Variants in RPS6KA5 observed in about 807,000 individuals in gnomAD.
RPS6KA5 encodes ribosomal protein S6 kinase alpha-5.
RPS6KA5 carries 27 observed loss-of-function variants against 85.5 expected under a neutral mutation model. The ratio of observed to expected loss-of-function variants is 0.32; its 90% confidence interval spans 0.23 to 0.44. RPS6KA5 has a LOEUF of 0.44. Ranked by LOEUF, RPS6KA5 falls within the 20% of genes least tolerant of loss-of-function variation. The pLI, the probability that RPS6KA5 is intolerant of heterozygous loss-of-function variation, is 1.00. For synonymous variants in RPS6KA5, 334 were observed against 348.2 expected, an observed-to-expected ratio of 0.96 and a Z score of 0.46; for missense variants, 811 against 980.9, an observed-to-expected ratio of 0.83 and a Z score of 2.31.
chr14:91,060,247 G>A, intron 1 of RPS6KA5, 85 bp downstream of exon 1: 1 of 966,938 alleles, frequency 1.0e-6, no homozygotes, highest in Non-Finnish European at 1.2e-6. Flanking sequence ...CTGCGGCCCC[G>A]CGCCCCCAGC....
At chr14:90,966,895 T>C (rs1234866687) in intron 3 of RPS6KA5, among the ~76,000 whole-genome samples, 2 of 152,216 alleles carry the variant, frequency 1.3e-5, no homozygotes, top group African/African-American at 4.8e-5. Context: ...GTAATAACAG[T>C]AAGAACATCT....
intron 3 of RPS6KA5, among the ~76,000 whole-genome samples, chr14:90,971,958 A>G (rs1201628636): frequency 6.6e-6 from 1 of 152,236 alleles, no homozygotes; most frequent in Admixed American, 6.5e-5. Flanking sequence ...ATATAGAACT[A>G]ATATATAAAA....
chr14:90,970,383 T>C (rs2039263091), intron 3 of RPS6KA5, among the ~76,000 whole-genome samples: 1 of 152,190 alleles, frequency 6.6e-6, no homozygotes, highest in Non-Finnish European at 1.5e-5. Context: ...ATGAAACCAA[T>C]ACTCAAAAGT....
At chr14:90,928,085 G>A (rs1160406719) in intron 5 of RPS6KA5, among the ~76,000 whole-genome samples, 1 of 151,566 alleles carries the variant, frequency 6.6e-6, no homozygotes, top group African/African-American at 2.4e-5. Flanking sequence ...TTGCTACCAC[G>A]CCTGGCTAAT....
At chr14:90,880,384 T>C (rs1174369521) in intron 14 of RPS6KA5, among the ~76,000 whole-genome samples, 2 of 152,234 alleles carry the variant, frequency 1.3e-5, no homozygotes, top group Non-Finnish European at 2.9e-5. Flanking sequence ...ATTTGTCTTT[T>C]TGTAACTGGC....
intron 3 of RPS6KA5, among the ~76,000 whole-genome samples, chr14:90,955,302 C>G (rs1231646932): frequency 1.3e-5 from 2 of 152,148 alleles, no homozygotes; most frequent in Admixed American, 1.3e-4. Context: ...AGGTCTCACT[C>G]TGACACCCAG....
At chr14:90,984,014 T>A (rs2039952589) in intron 2 of RPS6KA5, among the ~76,000 whole-genome samples, 1 of 152,002 alleles carries the variant, frequency 6.6e-6, no homozygotes, top group South Asian at 2.1e-4. Context: ...CCAGCTAATT[T>A]TTGTATTTTT....
intron 11 of RPS6KA5, among the ~76,000 whole-genome samples, 176 bp downstream of exon 11, chr14:90,899,932 T>G (rs569724185): frequency 6.6e-6 from 1 of 152,306 alleles, no homozygotes; most frequent in Non-Finnish European, 1.5e-5. Flanking sequence ...GATTACTTTA[T>G]CAGAAAATAT....
chr14:90,906,128 T>G, intron 8 of RPS6KA5, 21 bp downstream of exon 8: 1 of 1,577,324 alleles, frequency 6.3e-7, no homozygotes, highest in East Asian at 2.3e-5. Flanking sequence ...ATGAAACCAT[T>G]TATCTATTCA....
At chr14:90,872,947 A>G (rs958564860) in intron 16 of RPS6KA5, among the ~76,000 whole-genome samples, 5 of 152,232 alleles carry the variant, frequency 3.3e-5, no homozygotes, top group African/African-American at 1.2e-4. Context: ...ATCATCTGAT[A>G]GAAATTCTTG....
intron 9 of RPS6KA5, 77 bp from the exon 10 acceptor site, chr14:90,900,813 T>A (rs2035124396): frequency 1.2e-5 from 15 of 1,259,368 alleles, no homozygotes; most frequent in Non-Finnish European, 1.6e-5. Flanking sequence ...TTGTAATGAC[T>A]TTTTTTCCTT....
rs78668044 is a variant in RPS6KA5, at chr14:90,886,744, T to C, written c.1836+3743A>G. ...TCTGTTGTTCAAGCTGCCTAATTTG[T>C]GGTATTCTGTTACAGCAGCCTAAGC... On this transcript the variant is annotated intron_variant, in intron 14 of 16. Transcript: ENST00000614987. Among the ~76,000 whole-genome samples the C allele has an allele frequency of 4.0e-3, 611 of 152,340 alleles. 9 individuals carry two copies. The highest frequency in any genetic ancestry group is 0.014 in the African/African-American group (571 of 41,576).
At chr14:91,000,042 C>G (rs1433930813) in intron 2 of RPS6KA5, among the ~76,000 whole-genome samples, 1 of 152,180 alleles carries the variant, frequency 6.6e-6, no homozygotes, top group African/African-American at 2.4e-5. Context: ...AAGGGCTTCT[C>G]CCATCTTGGC....
intron 13 of RPS6KA5, among the ~76,000 whole-genome samples, chr14:90,891,085 T>C (rs2034525275): frequency 6.6e-6 from 1 of 152,046 alleles, no homozygotes; most frequent in African/African-American, 2.4e-5. Flanking sequence ...TTTTCCTTTC[T>C]GGCACTTACC....
intron 1 of RPS6KA5, among the ~76,000 whole-genome samples, chr14:91,057,081 A>G (rs1246732837): frequency 6.6e-6 from 1 of 151,432 alleles, no homozygotes; most frequent in African/African-American, 2.4e-5. Flanking sequence ...GGGTTTCACC[A>G]GGTTGTCCAG....
intron 1 of RPS6KA5, among the ~76,000 whole-genome samples, chr14:91,035,068 C>T (rs192088589): frequency 2.6e-5 from 4 of 152,034 alleles, no homozygotes; most frequent in Admixed American, 2.6e-4. Context: ...AATATCTGAG[C>T]ATGGAAACTG....
chr14:90,958,184 G>A (rs2140410082), intron 3 of RPS6KA5, among the ~76,000 whole-genome samples: 1 of 151,926 alleles, frequency 6.6e-6, no homozygotes, highest in East Asian at 1.9e-4. Flanking sequence ...GAATTAGATG[G>A]GGCTATTTGA....
In RPS6KA5 at chr14:90,947,485, C is replaced by T. The variant is rs2037934135; in HGVS notation, c.460G>A (p.Val154Met). 1.2e-6 allele frequency: 2 copies of T among 1,612,910 alleles called. No individual in the cohort carries two copies. The highest frequency in any genetic ancestry group is 1.7e-6 in the Non-Finnish European group (2 of 1,178,998). The change falls in exon 4 of 17, where the codon GTG becomes ATG. Residue 154 changes from valine to methionine, a missense_variant. By Grantham distance (21) the Val-to-Met change is conservative. Transcript: ENST00000614987. Reference sequence around the variant, plus strand: ...ACAATCTCTCCAACATAAATCTGCACCTCATGCTCTGTGAAACGCTCTCTT... The same window carrying T: ...ACAATCTCTCCAACATAAATCTGCATCTCATGCTCTGTGAAACGCTCTCTT... ...SQRERFTEHE[V>M]QIYVGEIVLA...
chr14:91,027,367 CTTTCCCCACTGCTTGG>C (rs1448254583), intron 1 of RPS6KA5, among the ~76,000 whole-genome samples: 1 of 152,184 alleles, frequency 6.6e-6, no homozygotes, highest in Non-Finnish European at 1.5e-5. Context: ...ATAGGAAGAT[CTTTCCCCACTGCTTGG>C]TTTTTTTTCC....
Sources: gnomAD v4.1 joint callset for allele counts (sites outside exome capture counted in the v4.1 genomes callset) on GRCh38, gnomAD v4.1.1 for gene constraint, MANE v1.5 for transcripts, NCBI Gene and HGNC (gene_info 2026-07-23, HGNC 2026-07-21) for gene names.